The following GRIA2 variants were observed in gnomAD, a reference collection of about 807,000 sequenced individuals.
The protein encoded by GRIA2 is glutamate ionotropic receptor AMPA type subunit 2.
A neutral mutation model predicts 97.3 loss-of-function variants in GRIA2; 14 were observed. That is an observed-to-expected ratio of 0.14 (90% CI 0.10 to 0.23). The LOEUF (loss-of-function observed/expected upper bound fraction) is 0.23. Among genes scored for constraint, GRIA2 ranks in the 10% least tolerant of loss-of-function variants. The probability of loss-of-function intolerance (pLI) is 1.00; values close to 1 mark genes in which losing one functional copy is unlikely to be tolerated. For synonymous variants in GRIA2, 412 were observed against 387.8 expected, an observed-to-expected ratio of 1.06 and a Z score of -0.73; for missense variants, 558 against 1,069.8, an observed-to-expected ratio of 0.52 and a Z score of 6.67.
intron 5 of GRIA2, among the ~76,000 whole-genome samples, chr4:157,320,400 G>C (rs1734507514): frequency 6.6e-6 from 1 of 152,056 alleles, no homozygotes; most frequent in African/African-American, 2.4e-5. Context: ...GAAGTAAGAG[G>C]TAAATATGTG....
intron 2 of GRIA2, among the ~76,000 whole-genome samples, chr4:157,257,430 G>C (rs1326207185): frequency 6.6e-6 from 1 of 152,040 alleles, no homozygotes; most frequent in Non-Finnish European, 1.5e-5. Flanking sequence ...AGGTCTAACT[G>C]CTTACAAAGA....
At chr4:157,288,257 CA>C (rs1161551713) in intron 2 of GRIA2, among the ~76,000 whole-genome samples, 10 of 151,668 alleles carry the variant, frequency 6.6e-5, no homozygotes, top group African/African-American at 2.4e-4. Flanking sequence ...CACCTGGTCT[CA>C]GCAGCAAAGC....
At chr4:157,286,746 T>C (rs2126825782) in intron 2 of GRIA2, among the ~76,000 whole-genome samples, 1 of 151,698 alleles carries the variant, frequency 6.6e-6, no homozygotes, top group South Asian at 2.1e-4. Flanking sequence ...ATCAATACGA[T>C]TATAGGTTAC....
intron 2 of GRIA2, among the ~76,000 whole-genome samples, chr4:157,293,121 A>G (rs1733180947): frequency 1.3e-5 from 2 of 152,158 alleles, no homozygotes; most frequent in Admixed American, 6.6e-5. Flanking sequence ...TAATTGCTAC[A>G]CTATATTTGG....
intron 2 of GRIA2, among the ~76,000 whole-genome samples, chr4:157,267,391 CAAAAAAAAAAAAAA>C (rs772189197): frequency 1.9e-5 from 1 of 51,800 alleles, no homozygotes; most frequent in African/African-American, 7.0e-5. Context: ...GACTCCATCT[CAAAAAAAAAAAAAA>C]AAAAAAAAGT....
At chr4:157,230,731 C>T (rs1009783402) in intron 2 of GRIA2, among the ~76,000 whole-genome samples, 11 of 152,070 alleles carry the variant, frequency 7.2e-5, no homozygotes, top group Admixed American at 5.2e-4. Context: ...TACTATAGAA[C>T]AGTGAATTCT....
In GRIA2 at chr4:157,357,408, G is replaced by T. The variant is rs183099206; in HGVS notation, c.2044-2488G>T. On this transcript the variant is annotated intron_variant, in intron 12 of 15. Transcript: ENST00000264426. ...ATTTTATTAACTTTGTTAAAAAAGG[G>T]AACAGTAAACTAAAAACTGTGAGCC... 5.9e-4 allele frequency among the ~76,000 whole-genome samples: 90 copies of T among 152,136 alleles called. 1 individual carries two copies. The East Asian group carries it at 0.014, about 23-fold the overall frequency.
At chr4:157,348,855 A>G (rs1735878811) in intron 12 of GRIA2, among the ~76,000 whole-genome samples, 1 of 152,226 alleles carries the variant, frequency 6.6e-6, no homozygotes. Flanking sequence ...AACCATTAAA[A>G]TGACTGCAGA....
At chr4:157,359,749 A>G (rs1273892107) in intron 12 of GRIA2, 147 bp from the exon 13 acceptor site, 3 of 659,038 alleles carry the variant, frequency 4.6e-6, no homozygotes, top group Admixed American at 3.0e-5. Flanking sequence ...TAGAATTGTT[A>G]TTAGTGAAAA....
In GRIA2 at chr4:157,288,793, G is replaced by A. The variant is rs1375477176; in HGVS notation, c.230-14759G>A. Among the ~76,000 whole-genome samples the A allele has an allele frequency of 4.0e-5, 6 of 151,660 alleles. No homozygotes were observed. In the East Asian group the frequency reaches 7.7e-4, roughly 20 times the overall value. On this transcript the variant is annotated intron_variant, in intron 2 of 15. Transcript: ENST00000264426. ...TTTTGGTGTATTTCTATATTCAGTAGTTTTGCATAAGGTCTTATGTTTCTT... is the reference window on the plus strand; with the variant it reads ...TTTTGGTGTATTTCTATATTCAGTAATTTTGCATAAGGTCTTATGTTTCTT...
At chr4:157,298,503 A>G (rs1278561541) in intron 2 of GRIA2, among the ~76,000 whole-genome samples, 1 of 152,050 alleles carries the variant, frequency 6.6e-6, no homozygotes, top group Non-Finnish European at 1.5e-5. Context: ...TCAGAATAAA[A>G]TAAAACATTT....
intron 5 of GRIA2, among the ~76,000 whole-genome samples, chr4:157,319,100 T>C (rs1734445027): frequency 6.6e-6 from 1 of 152,162 alleles, no homozygotes; most frequent in Admixed American, 6.6e-5. Flanking sequence ...TCTAGGACTT[T>C]CCTTTAGAGT....
At chr4:157,264,187 A>G (rs1257326049) in intron 2 of GRIA2, among the ~76,000 whole-genome samples, 6 of 152,116 alleles carry the variant, frequency 3.9e-5, no homozygotes, top group Non-Finnish European at 7.4e-5. Context: ...ATAACAAATT[A>G]CTACAAACCG....
chr4:157,263,034 T>C (rs1325982607), intron 2 of GRIA2, among the ~76,000 whole-genome samples: 1 of 152,070 alleles, frequency 6.6e-6, no homozygotes, highest in Non-Finnish European at 1.5e-5. Context: ...TTACTAAAAA[T>C]ATGACTTTTC....
chr4:157,338,220 T>C (rs932493068), intron 11 of GRIA2, among the ~76,000 whole-genome samples: 1 of 151,662 alleles, frequency 6.6e-6, no homozygotes. Flanking sequence ...CATAAAATGA[T>C]AAAGAAGTGG....
In GRIA2 at chr4:157,221,009, G is replaced by A. The variant is rs768136182; in HGVS notation, c.-34G>A. Reference sequence around the variant, plus strand: ...GAAGAGGAGGAAAAGGAAAAAAAAAGGGGTATATTGTGGATGCTCTACTTT... The same window carrying A: ...GAAGAGGAGGAAAAGGAAAAAAAAAAGGGTATATTGTGGATGCTCTACTTT... On this transcript the variant is annotated 5_prime_UTR_variant, in exon 1 of 16. Coordinates refer to ENST00000264426, the MANE Select transcript of GRIA2 (RefSeq NM_001083619.3). 10 of 999,582 alleles carry A rather than the reference G, an allele frequency of 1.0e-5. No homozygotes were observed. The highest frequency in any genetic ancestry group is 3.2e-5 in the African/African-American group (2 of 62,800). The allele number at this position is 999,582 out of a possible 1,614,324, so 61.9% of individuals were successfully genotyped here. A position where few individuals can be genotyped will look rare whatever the true frequency, so the allele number is the denominator to read the frequency against.
At chr4:157,304,800 CA>C (rs892987010) in intron 3 of GRIA2, among the ~76,000 whole-genome samples, 34 of 152,184 alleles carry the variant, frequency 2.2e-4, no homozygotes, top group African/African-American at 7.9e-4. Context: ...AGAAGAGAGC[CA>C]GCCGTCAGTC....
intron 11 of GRIA2, among the ~76,000 whole-genome samples, chr4:157,338,818 A>C (rs1314521322): frequency 6.6e-6 from 1 of 152,096 alleles, no homozygotes; most frequent in Non-Finnish European, 1.5e-5. Flanking sequence ...ACATTGGAAA[A>C]GTTAATGATT....
At chr4:157,237,605 T>C (rs577512662) in intron 2 of GRIA2, among the ~76,000 whole-genome samples, 14 of 152,188 alleles carry the variant, frequency 9.2e-5, no homozygotes, top group South Asian at 2.1e-4. Context: ...AGTAAATAAT[T>C]CCTCAAGGAG....
Sources: allele counts gnomAD v4.1 joint callset (sites outside exome capture counted in the v4.1 genomes callset), GRCh38; gene constraint gnomAD v4.1.1; transcripts MANE v1.5; gene names NCBI Gene and HGNC (gene_info 2026-07-23, HGNC 2026-07-21).